Variants in FAM117B observed in about 807,000 individuals in gnomAD.
FAM117B encodes protein FAM117B.
Under a neutral mutation model 52.8 loss-of-function variants are expected in FAM117B, and 22 were observed. The observed-to-expected ratio is 0.42, with a 90% CI of 0.30 to 0.59. The LOEUF (loss-of-function observed/expected upper bound fraction) is 0.59, where lower values mean the gene tolerates loss of function less well. FAM117B is among the 20% of genes least tolerant of loss of function. The probability of loss-of-function intolerance (pLI) is 0.22; values close to 1 mark genes in which losing one functional copy is unlikely to be tolerated. For missense variants in FAM117B, 678 were observed against 802.6 expected (o/e 0.84, Z 1.88); for synonymous variants, 309 against 324.1 (o/e 0.95, Z 0.50).
At chr2:202,682,371 T>C (rs1690475055) in intron 1 of FAM117B, among the ~76,000 whole-genome samples, 1 of 152,108 alleles carries the variant, frequency 6.6e-6, no homozygotes, top group East Asian at 1.9e-4. Flanking sequence ...CACCCTACCC[T>C]AGATGGTGTC....
At chr2:202,666,488 C>T (rs1690206219) in intron 1 of FAM117B, among the ~76,000 whole-genome samples, 1 of 151,516 alleles carries the variant, frequency 6.6e-6, no homozygotes, top group South Asian at 2.1e-4. Flanking sequence ...GAAGTTCAGC[C>T]AGCCACATTT....
chr2:202,744,886 A>C (rs1691606564), intron 4 of FAM117B, among the ~76,000 whole-genome samples: 1 of 150,932 alleles, frequency 6.6e-6, no homozygotes, highest in Non-Finnish European at 1.5e-5. Context: ...CTGAGACAAG[A>C]GAATCACTTG....
intron 1 of FAM117B, among the ~76,000 whole-genome samples, chr2:202,659,083 G>A (rs1690089539): frequency 6.6e-6 from 1 of 151,508 alleles, no homozygotes; most frequent in Non-Finnish European, 1.5e-5. Context: ...CTGGCTCACT[G>A]CAACCTCTGC....
chr2:202,695,146 C>T (rs1461514599), intron 1 of FAM117B, among the ~76,000 whole-genome samples: 1 of 152,046 alleles, frequency 6.6e-6, no homozygotes, highest in East Asian at 1.9e-4. Context: ...TTTGCTAGGC[C>T]TAGGGTGGGT....
chr2:202,699,426 C>CAAAAAA (rs751190825), intron 2 of FAM117B, among the ~76,000 whole-genome samples: 56 of 17,826 alleles, frequency 3.1e-3, no homozygotes, highest in Non-Finnish European at 3.7e-3. Context: ...GACCCCATCT[C>CAAAAAA]AAAAAAAAAA....
intron 7 of FAM117B, among the ~76,000 whole-genome samples, chr2:202,760,964 T>A (rs1691877733): frequency 6.6e-6 from 1 of 152,164 alleles, no homozygotes; most frequent in Non-Finnish European, 1.5e-5. Flanking sequence ...TGGAGTGCAG[T>A]ATTGGAGTCA....
chr2:202,713,068 C>G (rs1012484868), intron 2 of FAM117B, among the ~76,000 whole-genome samples: 1 of 152,090 alleles, frequency 6.6e-6, no homozygotes, highest in Non-Finnish European at 1.5e-5. Context: ...GAAATATTCC[C>G]TCCTCTGTTT....
chr2:202,690,057 C>T (rs753209201), intron 1 of FAM117B, among the ~76,000 whole-genome samples: 1 of 152,192 alleles, frequency 6.6e-6, no homozygotes, highest in Non-Finnish European at 1.5e-5. Flanking sequence ...TGGGATGCTC[C>T]ACTAGTGCAG....
chr2:202,659,100 G>A (rs1329073660), intron 1 of FAM117B, among the ~76,000 whole-genome samples: 5 of 151,872 alleles, frequency 3.3e-5, no homozygotes, highest in African/African-American at 9.7e-5. Flanking sequence ...CTGCCTCCCG[G>A]GTTCAAGCGA....
At chr2:202,648,390 G>T (rs1280886805) in intron 1 of FAM117B, among the ~76,000 whole-genome samples, 1 of 151,874 alleles carries the variant, frequency 6.6e-6, no homozygotes, top group Non-Finnish European at 1.5e-5. Context: ...GTCGGTGTGC[G>T]CCTGTAGTCC....
At chr2:202,654,416 A>T (rs1690022905) in intron 1 of FAM117B, among the ~76,000 whole-genome samples, 1 of 152,042 alleles carries the variant, frequency 6.6e-6, no homozygotes, top group Admixed American at 6.5e-5. Context: ...TCTTGTAGTT[A>T]AACTTTGTTT....
chr2:202,741,499 TA>T (rs1372442923), intron 4 of FAM117B, among the ~76,000 whole-genome samples: 18 of 148,534 alleles, frequency 1.2e-4, no homozygotes, highest in Admixed American at 6.1e-4. Context: ...ATAGTATATC[TA>T]GTTGGAAAAC....
In FAM117B at chr2:202,760,336, C is replaced by T. The variant is rs1396907510; in HGVS notation, c.1451+983C>T. On this transcript the variant is annotated intron_variant, in intron 7 of 7. Coordinates refer to ENST00000392238, the MANE Select transcript of FAM117B (RefSeq NM_173511.4). ...GGGGAGGTCCCAAAGGTCTCAGCAGCGTGGGAAGGCTAGGTCGGAGTTCCT... is the reference window on the plus strand; with the variant it reads ...GGGGAGGTCCCAAAGGTCTCAGCAGTGTGGGAAGGCTAGGTCGGAGTTCCT... Among the ~76,000 whole-genome samples, 3 of 152,250 alleles carry T rather than the reference C, an allele frequency of 2.0e-5. 1 individual carries two copies. In the South Asian group the frequency reaches 6.2e-4, roughly 32 times the overall value.
Position 202,755,577 on chromosome 2 carries a change from A to G in FAM117B, c.1000A>G (p.Ile334Val), listed in dbSNP as rs1237586851. 4 of 1,614,196 alleles carry G rather than the reference A, an allele frequency of 2.5e-6. No individual in the cohort carries two copies. Among genetic ancestry groups the G allele is most frequent in the South Asian group, 1.1e-5 (1 of 91,086 alleles). Residue 334 changes from isoleucine to valine, a missense_variant, in exon 5 of 8, where the codon ATC (isoleucine) becomes GTC (valine). By Grantham distance (29) the Ile-to-Val change is conservative. Transcript: ENST00000392238. The stretch of plus-strand genomic sequence containing the variant: ...GAGTGCACTTATTCCTGTAATTCCC[A>G]TCACCAAATCAACAGGCTCCCGGTT... ...PKSALIPVIP[I>V]TKSTGSRFRN...
chr2:202,681,411 C>T (rs1264269351), intron 1 of FAM117B, among the ~76,000 whole-genome samples: 1 of 152,026 alleles, frequency 6.6e-6, no homozygotes, highest in African/African-American at 2.4e-5. Flanking sequence ...TCTACCAAGA[C>T]ATTAAATATG....
chr2:202,639,688 T>C (rs898403489), intron 1 of FAM117B, among the ~76,000 whole-genome samples: 1 of 152,204 alleles, frequency 6.6e-6, no homozygotes, highest in Admixed American at 6.5e-5. Context: ...ATTTTTCTTA[T>C]CTGTGAAATG....
chr2:202,730,875 G>A (rs1691333270), intron 4 of FAM117B, among the ~76,000 whole-genome samples: 1 of 152,030 alleles, frequency 6.6e-6, no homozygotes, highest in African/African-American at 2.4e-5. Context: ...AAAAGCAAAA[G>A]CAAGAAAAGA....
At chr2:202,681,011 A>G (rs1201150126) in intron 1 of FAM117B, among the ~76,000 whole-genome samples, 1 of 152,224 alleles carries the variant, frequency 6.6e-6, no homozygotes, top group Non-Finnish European at 1.5e-5. Context: ...GACATTATAC[A>G]ATGTCTACAT....
intron 2 of FAM117B, among the ~76,000 whole-genome samples, chr2:202,702,423 T>TA: frequency 6.6e-6 from 1 of 151,692 alleles, no homozygotes; most frequent in Admixed American, 6.6e-5. Flanking sequence ...ATAAAATAAA[T>TA]AAAAAAGAAA....
Sources: gnomAD v4.1 joint callset for allele counts (sites outside exome capture counted in the v4.1 genomes callset) on GRCh38, gnomAD v4.1.1 for gene constraint, MANE v1.5 for transcripts, NCBI Gene and HGNC (gene_info 2026-07-23, HGNC 2026-07-21) for gene names.